QKI: variants seen among roughly 807,000 people sequenced by gnomAD.
QKI encodes the protein QKI, KH domain containing RNA binding, also known as KH domain-containing RNA-binding protein QKI.
QKI carries 10 observed loss-of-function variants against 39.0 expected under a neutral mutation model. The observed-to-expected ratio is 0.26, with a 90% CI of 0.16 to 0.43. QKI has a LOEUF of 0.43. QKI is among the 20% of genes least tolerant of loss of function. The probability of loss-of-function intolerance (pLI) is 1.00; values close to 1 mark genes in which losing one functional copy is unlikely to be tolerated. For synonymous variants in QKI, 204 were observed against 155.4 expected, an observed-to-expected ratio of 1.31 and a Z score of -2.33; for missense variants, 218 against 428.0, an observed-to-expected ratio of 0.51 and a Z score of 4.33.
chr6:163,571,387 A>G lies in QKI; in HGVS notation c.*677A>G, dbSNP rs1434179061. On this transcript the variant is annotated 3_prime_UTR_variant, in exon 8 of 8. Transcript: ENST00000361752. Reference sequence around the variant, plus strand: ...ATGCAAATAACAAAACTGCAACACTATTTTTAAAAAGATAAATATCTGAGT... The same window carrying G: ...ATGCAAATAACAAAACTGCAACACTGTTTTTAAAAAGATAAATATCTGAGT... The G allele has an allele frequency of 2.0e-5, 3 of 152,346 alleles. No homozygotes were observed. Among genetic ancestry groups the G allele is most frequent in the South Asian group, 2.1e-4 (1 of 4,834 alleles). The allele number at this position is 152,346 out of a possible 1,614,324, so 9.4% of individuals were successfully genotyped here. A position where few individuals can be genotyped will look rare whatever the true frequency, so the allele number is the denominator to read the frequency against.
chr6:163,439,256 C>G (rs1789548185), intron 1 of QKI, among the ~76,000 whole-genome samples: 1 of 150,480 alleles, frequency 6.6e-6, no homozygotes, highest in South Asian at 2.1e-4. Flanking sequence ...CAGACACCTA[C>G]AAATATTTGT....
At chr6:163,489,163 T>G (rs1451812658) in intron 3 of QKI, among the ~76,000 whole-genome samples, 1 of 151,948 alleles carries the variant, frequency 6.6e-6, no homozygotes, top group Non-Finnish European at 1.5e-5. Context: ...ATTCGTTTTT[T>G]TTTTTTTTGC....
chr6:163,466,705 C>T (rs533819524), intron 2 of QKI, among the ~76,000 whole-genome samples: 3 of 152,096 alleles, frequency 2.0e-5, no homozygotes, highest in African/African-American at 4.8e-5. Flanking sequence ...TTACTTACAC[C>T]GTACATAAAA....
At chr6:163,494,925 T>G (rs1048633265) in intron 3 of QKI, among the ~76,000 whole-genome samples, 12 of 114,614 alleles carry the variant, frequency 1.0e-4, no homozygotes, top group African/African-American at 5.7e-4. Context: ...ATTTATTTAT[T>G]TTTTTTTTGA....
At chr6:163,565,022 C>CTG in intron 6 of QKI, 6 of 1,201,180 alleles carry the variant, frequency 5.0e-6, no homozygotes, top group Non-Finnish European at 6.2e-6. Context: ...TGTATGTTAT[C>CTG]TGTGTGTGTG....
At chr6:163,533,979 G>C (rs1172170770) in intron 3 of QKI, among the ~76,000 whole-genome samples, 3 of 152,104 alleles carry the variant, frequency 2.0e-5, no homozygotes. Flanking sequence ...CTAACAATTA[G>C]GTAAATAGTA....
At chr6:163,561,263 T>C (rs1232715495) in intron 4 of QKI, among the ~76,000 whole-genome samples, 3 of 152,186 alleles carry the variant, frequency 2.0e-5, no homozygotes. Flanking sequence ...CGCGCGTGTG[T>C]GTATGTGTGT....
rs550276242 is a variant in QKI, at chr6:163,457,895, G to A, written c.285+2474G>A. Among the ~76,000 whole-genome samples, 5 of 152,194 alleles carry A rather than the reference G, an allele frequency of 3.3e-5. No homozygotes were observed. In the South Asian group the frequency reaches 1.0e-3, roughly 32 times the overall value. ...AGACAGATGAATAGTGACTGTGTAT[G>A]GAAGGAGGTATTCATTTTTAAGGGT... On this transcript the variant is annotated intron_variant, in intron 2 of 7. Coordinates refer to ENST00000361752, the MANE Select transcript of QKI (RefSeq NM_006775.3).
Position 163,573,653 on chromosome 6 carries a change from CT to C in QKI, c.*2947del, listed in dbSNP as rs1783823278. 6.6e-6 allele frequency: 1 copy of C among 151,972 alleles called. No homozygotes were observed. Among genetic ancestry groups the C allele is most frequent in the African/African-American group, 2.4e-5 (1 of 41,366 alleles). 9.4% of individuals were successfully genotyped at this position (151,972 alleles called of 1,614,324 possible). On this transcript the variant is annotated 3_prime_UTR_variant, in exon 8 of 8. Coordinates refer to ENST00000361752, the MANE Select transcript of QKI (RefSeq NM_006775.3). Reference sequence around the variant, plus strand: ...TATTGGGTGTCTTGTCTTTTTTGGGCTTTTAGTTAGCTAATGAATGAATACA... The same window carrying C: ...TATTGGGTGTCTTGTCTTTTTTGGGCTTTAGTTAGCTAATGAATGAATACA...
At chr6:163,438,574 T>C (rs1297499163) in intron 1 of QKI, among the ~76,000 whole-genome samples, 4 of 152,204 alleles carry the variant, frequency 2.6e-5, no homozygotes, top group Non-Finnish European at 2.9e-5. Context: ...CTGAATACTG[T>C]AGGCAGTTAT....
intron 4 of QKI, among the ~76,000 whole-genome samples, chr6:163,537,122 C>T (rs752801574): frequency 3.3e-5 from 5 of 152,076 alleles, no homozygotes; most frequent in African/African-American, 9.7e-5. Context: ...GTGGAAGGAT[C>T]GCTGAGGCCA....
At chr6:163,551,846 A>T (rs985074231) in intron 4 of QKI, among the ~76,000 whole-genome samples, 11 of 152,216 alleles carry the variant, frequency 7.2e-5, no homozygotes, top group Non-Finnish European at 1.5e-4. Context: ...ATTTAATCAC[A>T]TATCTTCATG....
At chr6:163,516,314 A>C (rs369738997) in intron 3 of QKI, among the ~76,000 whole-genome samples, 6 of 152,140 alleles carry the variant, frequency 3.9e-5, no homozygotes, top group African/African-American at 1.4e-4. Context: ...TATTTTTTTG[A>C]GACGGAGTCT....
intron 3 of QKI, among the ~76,000 whole-genome samples, chr6:163,503,802 C>T (rs543274403): frequency 2.0e-5 from 3 of 152,034 alleles, no homozygotes; most frequent in South Asian, 2.1e-4. Flanking sequence ...TGCAGTGGCT[C>T]GATCTTGGCT....
Position 163,452,469 on chromosome 6 carries a change from G to A in QKI, c.143-2810G>A, listed in dbSNP as rs17176662. Among the ~76,000 whole-genome samples, 183 of 152,236 alleles carry A rather than the reference G, an allele frequency of 1.2e-3. 2 individuals carry two copies. The highest frequency in any genetic ancestry group is 1.7e-3 in the Non-Finnish European group (118 of 68,014). On this transcript the variant is annotated intron_variant, in intron 1 of 7. Transcript: ENST00000361752. ...TATTTGAGAGCTGGAACCATGACTT[G>A]TTTAACTTTAATGCTCCAGAAACCT...
chr6:163,544,904 C>T (rs904252322), intron 4 of QKI, among the ~76,000 whole-genome samples: 5 of 152,052 alleles, frequency 3.3e-5, no homozygotes, highest in African/African-American at 1.2e-4. Flanking sequence ...ATATATTAAT[C>T]TTTACTGGTC....
rs1419299696 is a variant in QKI, at chr6:163,517,895, A to G, written c.403-17087A>G. On this transcript the variant is annotated intron_variant, in intron 3 of 7. Coordinates refer to ENST00000361752, the MANE Select transcript of QKI (RefSeq NM_006775.3). ...AGGTGTTATTAGATGATACACAGCTATTTCTAGAAGGTTAAGGTAAATCTG... is the reference window on the plus strand; with the variant it reads ...AGGTGTTATTAGATGATACACAGCTGTTTCTAGAAGGTTAAGGTAAATCTG... Among the ~76,000 whole-genome samples, 6 of 152,126 alleles carry G rather than the reference A, an allele frequency of 3.9e-5. No individual in the cohort carries two copies. In the East Asian group the frequency reaches 5.8e-4, roughly 15 times the overall value.
Position 163,476,646 on chromosome 6 carries a change from T to C in QKI, c.286-2134T>C, listed in dbSNP as rs557258278. 3.9e-5 allele frequency among the ~76,000 whole-genome samples: 6 copies of C among 152,328 alleles called. No individual in the cohort carries two copies. In the East Asian group the frequency reaches 1.2e-3, roughly 29 times the overall value. ...TTTGCTGTTCTGTGGGCAGTGATGGTCGCTTGTTCTGTGTATTAGTTCCAC... is the reference window on the plus strand; with the variant it reads ...TTTGCTGTTCTGTGGGCAGTGATGGCCGCTTGTTCTGTGTATTAGTTCCAC... On this transcript the variant is annotated intron_variant, in intron 2 of 7. Transcript: ENST00000361752.
chr6:163,442,093 G>C (rs79973614), intron 1 of QKI, among the ~76,000 whole-genome samples: 161 of 152,316 alleles, frequency 1.1e-3, no homozygotes, highest in Middle Eastern at 3.4e-3. Context: ...GAGTTTTCCA[G>C]AGGCTGCGTG....
Sources: allele counts gnomAD v4.1 joint callset (sites outside exome capture counted in the v4.1 genomes callset), GRCh38; gene constraint gnomAD v4.1.1; transcripts MANE v1.5; gene names NCBI Gene and HGNC (gene_info 2026-07-23, HGNC 2026-07-21).